The following SERF2 variants were observed in gnomAD, a reference collection of about 807,000 sequenced individuals.
The protein encoded by SERF2 is gastric cancer-related protein VRG107.
In SERF2, 4 loss-of-function variants were observed where a neutral mutation model predicts 10.7. That is an observed-to-expected ratio of 0.37 (90% CI 0.18 to 0.86). The LOEUF is 0.86. SERF2 is among the 40% of genes least tolerant of loss of function. The pLI is 0.43. For missense variants in SERF2, 47 were observed against 79.1 expected (o/e 0.59, Z 1.54); for synonymous variants, 26 against 26.0 (o/e 1.00, Z 0.01).
chr15:43,787,268 G>A (rs2087015635), intron 2 of SERF2, among the ~76,000 whole-genome samples: 2 of 151,572 alleles, frequency 1.3e-5, no homozygotes, highest in South Asian at 4.2e-4. Flanking sequence ...CAAAGTGCTG[G>A]GATTACAGGC....
upstream of SERF2, among the ~76,000 whole-genome samples, chr15:43,788,651 G>A (rs1412118420): frequency 6.6e-6 from 1 of 152,170 alleles, no homozygotes; most frequent in Non-Finnish European, 1.5e-5. Context: ...TTCATCTGCT[G>A]TAATCCATTC....
intron 1 of SERF2, among the ~76,000 whole-genome samples, chr15:43,784,934 G>A (rs889891901): frequency 2.1e-5 from 3 of 142,894 alleles, no homozygotes; most frequent in African/African-American, 5.2e-5. Flanking sequence ...TGTATTTTTA[G>A]TAAAGACAAG....
Position 43,795,465 on chromosome 15 carries a change from G to A in SERF2, c.*1692G>A. The stretch of plus-strand genomic sequence containing the variant: ...CGAAGTGGAAGGCAGAATAGTTGTA[G>A]GAAAGATGCTGGACTTGGACTGGAG... On this transcript the variant is annotated 3_prime_UTR_variant, in exon 3 of 3. Coordinates refer to ENST00000249786, the MANE Select transcript of SERF2 (RefSeq NM_001018108.4). The A allele has an allele frequency of 6.2e-7, 1 of 1,614,200 alleles. No individual in the cohort carries two copies. Among genetic ancestry groups the A allele is most frequent in the Non-Finnish European group, 8.5e-7 (1 of 1,180,034 alleles).
At chr15:43,788,721 G>T (rs191884033), upstream of SERF2, among the ~76,000 whole-genome samples, 24 of 152,316 alleles carry the variant, frequency 1.6e-4, no homozygotes, top group Admixed American at 1.4e-3. Flanking sequence ...CACAGGCTGG[G>T]TTAGACTCTC....
At chr15:43,785,953 G>A (rs925352608) in intron 2 of SERF2, among the ~76,000 whole-genome samples, 2 of 151,562 alleles carry the variant, frequency 1.3e-5, no homozygotes, top group African/African-American at 2.4e-5. Flanking sequence ...TGATCTGCCC[G>A]TCTCGGCCTC....
chr15:43,790,575 C>G (rs1429264252), upstream of SERF2, among the ~76,000 whole-genome samples: 1 of 151,532 alleles, frequency 6.6e-6, no homozygotes, highest in Non-Finnish European at 1.5e-5. Context: ...ACCAGCCTAG[C>G]CAACATGATG....
upstream of SERF2, among the ~76,000 whole-genome samples, chr15:43,789,782 T>C (rs973993119): frequency 1.3e-5 from 2 of 151,360 alleles, no homozygotes; most frequent in African/African-American, 4.9e-5. Context: ...CTGGGGTGGG[T>C]AGATCACTTG....
At chr15:43,792,592 C>T (rs1257806758) in intron 1 of SERF2, 2 of 1,445,424 alleles carry the variant, frequency 1.4e-6, no homozygotes, top group Non-Finnish European at 9.1e-7. Flanking sequence ...AGGCATAGGC[C>T]CTCCCGGATC....
At chr15:43,784,792 G>T (rs559520078) in intron 1 of SERF2, among the ~76,000 whole-genome samples, 3 of 149,848 alleles carry the variant, frequency 2.0e-5, no homozygotes, top group Admixed American at 6.7e-5. Flanking sequence ...TCACTCTGTC[G>T]CCCAAGTTGG....
At chr15:43,791,105 G>A (rs2087054765), upstream of SERF2, among the ~76,000 whole-genome samples, 1 of 150,514 alleles carries the variant, frequency 6.6e-6, no homozygotes, top group Non-Finnish European at 1.5e-5. Flanking sequence ...ATGCAGTCTC[G>A]CTCTGTCGCC....
upstream of SERF2, among the ~76,000 whole-genome samples, chr15:43,790,240 G>C (rs1285541442): frequency 2.6e-5 from 4 of 151,646 alleles, no homozygotes; most frequent in Admixed American, 2.6e-4. Flanking sequence ...ATACAAGATG[G>C]TGGAGGTTGC....
upstream of SERF2, among the ~76,000 whole-genome samples, chr15:43,789,833 C>A (rs1057239021): frequency 6.6e-6 from 1 of 150,942 alleles, no homozygotes; most frequent in Non-Finnish European, 1.5e-5. Flanking sequence ...CATGGTGAAA[C>A]CCTGTCTCTA....
At chr15:43,788,236 C>A (rs985170907), upstream of SERF2, among the ~76,000 whole-genome samples, 1 of 152,028 alleles carries the variant, frequency 6.6e-6, no homozygotes, top group East Asian at 1.9e-4. Context: ...GTCTCAGACT[C>A]CTGGCCTCAA....
At chr15:43,792,562 C>T (rs1312727722) in intron 1 of SERF2, 179 bp downstream of exon 1, 2 of 1,478,892 alleles carry the variant, frequency 1.4e-6, no homozygotes, top group Non-Finnish European at 1.8e-6. Flanking sequence ...GGCTACTTCA[C>T]GGGACCACCC....
At chr15:43,782,709 C>T (rs1398658793) in intron 1 of SERF2, among the ~76,000 whole-genome samples, 1 of 152,086 alleles carries the variant, frequency 6.6e-6, no homozygotes, top group Non-Finnish European at 1.5e-5. Context: ...TTTCCTGGAT[C>T]CTGTAACTTT....
chr15:43,784,300 T>C (rs1208621037), intron 1 of SERF2, among the ~76,000 whole-genome samples: 2 of 152,160 alleles, frequency 1.3e-5, no homozygotes, highest in Non-Finnish European at 2.9e-5. Context: ...CTGTAGCCAT[T>C]CTGATTCTTC....
intron 1 of SERF2, among the ~76,000 whole-genome samples, chr15:43,785,178 C>T (rs528152802): frequency 1.3e-4 from 20 of 151,306 alleles, no homozygotes; most frequent in African/African-American, 3.9e-4. Context: ...AAGCTATTCT[C>T]CTGCTTCAGC....
chr15:43,792,642 G>A (rs2087090351), intron 1 of SERF2: 2 of 1,397,270 alleles, frequency 1.4e-6, no homozygotes, highest in African/African-American at 1.5e-5. Flanking sequence ...CCTGTGATAG[G>A]CCCAGAGCCC....
At chr15:43,783,927 ATTTTT>A (rs71111825) in intron 1 of SERF2, among the ~76,000 whole-genome samples, 136 of 48,134 alleles carry the variant, frequency 2.8e-3, no homozygotes, top group Non-Finnish European at 4.1e-3. Context: ...ACGCCCAGCT[ATTTTT>A]TTTTTTTTTT....
Sources: gnomAD v4.1 joint callset for allele counts (sites outside exome capture counted in the v4.1 genomes callset) on GRCh38, gnomAD v4.1.1 for gene constraint, MANE v1.5 for transcripts, NCBI Gene and HGNC (gene_info 2026-07-23, HGNC 2026-07-21) for gene names.